CASZ1: variants seen among roughly 807,000 people sequenced by gnomAD.
The protein encoded by CASZ1 is zinc finger protein castor homolog 1.
CASZ1 carries 28 observed loss-of-function variants against 135.2 expected under a neutral mutation model. The ratio of observed to expected loss-of-function variants is 0.21; its 90% CI spans 0.15 to 0.28. CASZ1 has a LOEUF of 0.28. Ranked by LOEUF, CASZ1 falls within the 10% of genes least tolerant of loss-of-function variation. The pLI is 1.00. For missense variants in CASZ1, 2,161 were observed against 2,453.3 expected, an observed-to-expected ratio of 0.88 and a Z score of 2.52; for synonymous variants, 1,068 against 1,073.4, an observed-to-expected ratio of 0.99 and a Z score of 0.10.
In CASZ1 at chr1:10,679,791, C is replaced by T. The variant is rs1198575196; in HGVS notation, c.16+14083G>A. 6.6e-6 allele frequency among the ~76,000 whole-genome samples: 1 copy of T among 152,246 alleles called. No individual in the cohort carries two copies. The highest frequency in any genetic ancestry group is 2.4e-5 in the African/African-American group (1 of 41,466). ...ACAGGGTCCGGCCCAACCTGGGCTC[C>T]AGCTGATTAAGGATCTGCAACAGGA... On this transcript the variant is annotated intron_variant, in intron 4 of 20. Transcript: ENST00000377022. This position sits in a 1 kb window ranked among gnomAD's most constrained non-coding sequence, Gnocchi z 4.7.
intron 2 of CASZ1, among the ~76,000 whole-genome samples, chr1:10,754,791 A>C (rs1640218022): frequency 1.3e-5 from 2 of 152,270 alleles, no homozygotes; most frequent in Admixed American, 1.3e-4. Flanking sequence ...GATTGTTTTG[A>C]CTTGAGTCGG....
In CASZ1 at chr1:10,653,582, C is replaced by T. The variant is rs560516916; in HGVS notation, c.2475G>A (p.Ser825=). Residue 825 remains serine (S), a synonymous_variant, in exon 11 of 21, where the codon TCG becomes TCA. Transcript: ENST00000377022. Reference sequence around the variant, plus strand: ...GGGTGGCTGAGGCTGCTGACCCAGACGACACGGCACCCAGGAGGCTGGGGG... The same window carrying T: ...GGGTGGCTGAGGCTGCTGACCCAGATGACACGGCACCCAGGAGGCTGGGGG... ...VGTPSLLGAV[S]SGSAASATPD... 192 of 1,562,742 alleles carry T rather than the reference C, an allele frequency of 1.2e-4. 2 individuals carry two copies. The South Asian group carries it at 1.7e-3, about 14-fold the overall frequency.
At chr1:10,785,268 T>G (rs1640840522) in intron 1 of CASZ1, among the ~76,000 whole-genome samples, 1 of 151,370 alleles carries the variant, frequency 6.6e-6, no homozygotes. Context: ...CCTTCCTTTC[T>G]TCCTTCTTTC....
chr1:10,737,252 C>T (rs937131872), intron 2 of CASZ1, among the ~76,000 whole-genome samples: 1 of 152,198 alleles, frequency 6.6e-6, no homozygotes, highest in Non-Finnish European at 1.5e-5. Flanking sequence ...AATTGGTTTC[C>T]GATTTTCATT....
In CASZ1 at chr1:10,653,754, G is replaced by A; in HGVS notation, c.2303C>T (p.Pro768Leu). 6.2e-7 allele frequency: 1 copy of A among 1,610,768 alleles called. No homozygotes were observed. Among genetic ancestry groups the A allele is most frequent in the Non-Finnish European group, 8.5e-7 (1 of 1,178,370 alleles). The change falls in exon 11 of 21, where the codon CCC (proline) becomes CTC (leucine). Residue 768 changes from proline to leucine, a missense_variant. Coordinates refer to ENST00000377022, the MANE Select transcript of CASZ1 (RefSeq NM_001079843.3). ...TEAGPSATKP[P>L]NSKISGLLPQ... Reference sequence around the variant, plus strand: ...CAGCAGCCCCGAGATCTTGCTGTTGGGAGGTTTGGTGGCACTGGGCCCAGC... The same window carrying A: ...CAGCAGCCCCGAGATCTTGCTGTTGAGAGGTTTGGTGGCACTGGGCCCAGC...
In CASZ1 at chr1:10,654,328, G is replaced by A. The variant is rs558853354; in HGVS notation, c.1838+91C>T. Reference sequence around the variant, plus strand: ...GGGTGGAAAACCCAGGCTGGACACCGAGGCAGGGGCCTGAGCCGTCCCACG... The same window carrying A: ...GGGTGGAAAACCCAGGCTGGACACCAAGGCAGGGGCCTGAGCCGTCCCACG... On this transcript the variant is annotated intron_variant, in intron 10 of 20. Coordinates refer to ENST00000377022, the MANE Select transcript of CASZ1 (RefSeq NM_001079843.3). The A allele has an allele frequency of 1.3e-4, 197 of 1,575,184 alleles. 1 individual carries two copies. The highest frequency in any genetic ancestry group is 1.2e-4 in the Non-Finnish European group (142 of 1,159,730).
intron 4 of CASZ1, among the ~76,000 whole-genome samples, chr1:10,693,584 C>T (rs984821431): frequency 1.4e-5 from 2 of 147,156 alleles, no homozygotes; most frequent in African/African-American, 5.0e-5. Flanking sequence ...AAAAACCCCA[C>T]AAAAACCCCC....
intron 2 of CASZ1, among the ~76,000 whole-genome samples, chr1:10,753,206 T>C (rs1253308126): frequency 6.6e-6 from 1 of 152,240 alleles, no homozygotes; most frequent in East Asian, 1.9e-4. Flanking sequence ...AGCCCCGTCC[T>C]GATGACTCAG....
At chr1:10,775,355 G>T (rs992540999) in intron 1 of CASZ1, among the ~76,000 whole-genome samples, 14 of 151,904 alleles carry the variant, frequency 9.2e-5, no homozygotes, top group African/African-American at 3.1e-4. Context: ...AGGTTCAGAC[G>T]ACTTGATTTT....
rs987802091 is a variant in CASZ1 at position 10,647,723 on chromosome 1, G to A, written c.3497+78C>T. On this transcript the variant is annotated intron_variant, in intron 16 of 20. Transcript: ENST00000377022. This position sits in a 1 kb window ranked among gnomAD's most constrained non-coding sequence, Gnocchi z 4.9. ...AGCACCATCCGCAGTGAGGAACAGG[G>A]CCTCCTAGCGCCCTTGCTAGCACCT... 1 of 1,594,528 alleles carries A rather than the reference G, an allele frequency of 6.3e-7. No homozygotes were observed. Among genetic ancestry groups the A allele is most frequent in the African/African-American group, 1.3e-5 (1 of 74,926 alleles).
chr1:10,662,776 C>G (rs896148801), intron 5 of CASZ1, among the ~76,000 whole-genome samples: 1 of 152,162 alleles, frequency 6.6e-6, no homozygotes, highest in African/African-American at 2.4e-5. Context: ...CGCTCACACT[C>G]GGGCTCACCA....
In CASZ1 at chr1:10,747,021, A is replaced by G. The variant is rs1004530419; in HGVS notation, c.-77+13680T>C. The stretch of plus-strand genomic sequence containing the variant: ...ATGACCCCATGGCTTCTCCCCTCAT[A>G]GCCCCCGCTAACCAGGAGTGGACGC... On this transcript the variant is annotated intron_variant, in intron 2 of 20. Coordinates refer to ENST00000377022, the MANE Select transcript of CASZ1 (RefSeq NM_001079843.3). This position sits in a 1 kb window ranked among gnomAD's most constrained non-coding sequence, Gnocchi z 4.3. 6.6e-6 allele frequency among the ~76,000 whole-genome samples: 1 copy of G among 152,228 alleles called. No individual in the cohort carries two copies. The highest frequency in any genetic ancestry group is 1.9e-4 in the East Asian group (1 of 5,202).
chr1:10,699,941 TGAG>T lies in CASZ1; in HGVS notation c.-24+5548_-24+5550del, dbSNP rs1302458540. Among the ~76,000 whole-genome samples, 1 of 144,606 alleles carries T rather than the reference TGAG, an allele frequency of 6.9e-6. No individual in the cohort carries two copies. The highest frequency in any genetic ancestry group is 2.0e-4 in the East Asian group (1 of 4,900). 94.9% of individuals were successfully genotyped at this position (144,606 alleles called of 152,430 possible). On this transcript the variant is annotated intron_variant, in intron 3 of 20. Transcript: ENST00000377022. This position sits in a 1 kb window ranked among gnomAD's most constrained non-coding sequence, Gnocchi z 4.6. ...AGAGAGGTAGGTGGGAAGAAAAAGG[TGAG>T]AAGAAACAGAAGAGAAGCAGAGACA...
At chr1:10,653,336 C>A (rs760187865) in intron 11 of CASZ1, 41 bp downstream of exon 11, 2 of 1,608,920 alleles carry the variant, frequency 1.2e-6, no homozygotes, top group Non-Finnish European at 1.7e-6. Flanking sequence ...CACCCCAGTC[C>A]AGAAGGTGCC....
In CASZ1 at chr1:10,642,874, C is replaced by T. The variant is rs755943898; in HGVS notation, c.4147G>A (p.Glu1383Lys). Reference sequence around the variant, plus strand: ...TGCCGCTCACCTGCCGCGGTGCTCTCGTTACCCACGGGGGTGCTGGAGCAG... The same window carrying T: ...TGCCGCTCACCTGCCGCGGTGCTCTTGTTACCCACGGGGGTGCTGGAGCAG... Reference protein sequence around the residue: ...RSCSSTPVGNESTAAGNTISM... With the variant: ...RSCSSTPVGNKSTAAGNTISM... The change falls in exon 20 of 21, where the codon GAG becomes AAG. Residue 1383 changes from glutamate to lysine, a missense_variant. Glu to Lys is a moderately conservative substitution (Grantham distance 56). Coordinates refer to ENST00000377022, the MANE Select transcript of CASZ1 (RefSeq NM_001079843.3). 18 of 1,612,818 alleles carry T rather than the reference C, an allele frequency of 1.1e-5. No homozygotes were observed. The highest frequency in any genetic ancestry group is 7.7e-5 in the South Asian group (7 of 91,060).
rs1220807491 is a variant in CASZ1, at chr1:10,767,654, TA to T, written c.-233-6798del. ...GATATTTCCTCTCTCACTTGCTTTT[TA>T]AAAAAAATTTAATGTTCTCTATAAT... On this transcript the variant is annotated intron_variant, in intron 1 of 20. Transcript: ENST00000377022. The surrounding 1 kb of genome is among the most constrained non-coding windows in gnomAD (Gnocchi z 4.2). 1.3e-5 allele frequency among the ~76,000 whole-genome samples: 2 copies of T among 152,112 alleles called. No individual in the cohort carries two copies. The highest frequency in any genetic ancestry group is 4.8e-5 in the African/African-American group (2 of 41,416).
Position 10,741,079 on chromosome 1 carries a change from G to A in CASZ1, c.-77+19622C>T, listed in dbSNP as rs1442208956. Among the ~76,000 whole-genome samples the A allele has an allele frequency of 1.3e-5, 2 of 150,238 alleles. No homozygotes were observed. The highest frequency in any genetic ancestry group is 2.9e-5 in the Non-Finnish European group (2 of 67,890). On this transcript the variant is annotated intron_variant, in intron 2 of 20. Transcript: ENST00000377022. This position sits in a 1 kb window ranked among gnomAD's most constrained non-coding sequence, Gnocchi z 5.0. ...ACAATCTCAGCTCATTGCAACCTCC[G>A]TTTCCTGGGTTCAAGTGATTCTCCT...
intron 2 of CASZ1, among the ~76,000 whole-genome samples, chr1:10,718,981 C>T (rs533874659): frequency 5.5e-4 from 81 of 148,046 alleles, no homozygotes; most frequent in African/African-American, 1.9e-3. Context: ...GGTGTGATCT[C>T]TGCTCACTGC....
intron 13 of CASZ1, chr1:10,650,484 A>C (rs1642532199): frequency 9.7e-6 from 5 of 516,952 alleles, no homozygotes; most frequent in Middle Eastern, 4.1e-4. Flanking sequence ...AGAGGCTGGA[A>C]TATATTTCTT....
Sources: allele counts gnomAD v4.1 joint callset (sites outside exome capture counted in the v4.1 genomes callset), GRCh38; gene constraint gnomAD v4.1.1; non-coding constraint Gnocchi (gnomAD v3.1); transcripts MANE v1.5; gene names NCBI Gene and HGNC (gene_info 2026-07-23, HGNC 2026-07-21).